Variants in MEGF6 observed in about 807,000 individuals in gnomAD.
MEGF6 encodes the protein multiple EGF like domains 6.
In MEGF6, 184 loss-of-function variants were observed where a neutral mutation model predicts 207.1. The observed-to-expected ratio is 0.89, with a 90% CI of 0.79 to 1.00. The LOEUF is 1.00. Ranked by LOEUF, MEGF6 falls within the 50% of genes least tolerant of loss-of-function variation. The probability of loss-of-function intolerance (pLI) is 0.00; values close to 1 mark genes in which losing one functional copy is unlikely to be tolerated. For missense variants in MEGF6, 2,282 were observed against 2,202.9 expected, an observed-to-expected ratio of 1.04 and a Z score of -0.72; for synonymous variants, 1,038 against 910.0, an observed-to-expected ratio of 1.14 and a Z score of -2.53.
chr1:3,615,865 A>G (rs1644374135), upstream of MEGF6, among the ~76,000 whole-genome samples: 1 of 152,252 alleles, frequency 6.6e-6, no homozygotes, highest in South Asian at 2.1e-4. Context: ...GGTTACACGC[A>G]GAACTGGGCT....
At chr1:3,569,333 G>A (rs1238210076) in intron 4 of MEGF6, among the ~76,000 whole-genome samples, 1 of 152,248 alleles carries the variant, frequency 6.6e-6, no homozygotes, top group Non-Finnish European at 1.5e-5. Context: ...TGGGCAGGCG[G>A]TCAAGGGCCA....
intron 14 of MEGF6, 76 bp from the exon 15 acceptor site, chr1:3,506,312 G>A: frequency 6.5e-7 from 1 of 1,528,812 alleles, no homozygotes; most frequent in Non-Finnish European, 8.8e-7. Flanking sequence ...GTGGTAGGAT[G>A]CGCGGGGGCC....
chr1:3,589,466 G>A (rs1401569368), intron 3 of MEGF6, among the ~76,000 whole-genome samples: 6 of 151,954 alleles, frequency 3.9e-5, no homozygotes, highest in Non-Finnish European at 7.4e-5. Context: ...TCCCAGGGAC[G>A]TGCAAGGCCC....
At chr1:3,543,527 C>T (rs1642597673) in intron 4 of MEGF6, among the ~76,000 whole-genome samples, 1 of 152,214 alleles carries the variant, frequency 6.6e-6, no homozygotes, top group Non-Finnish European at 1.5e-5. Flanking sequence ...TGACTCGGAG[C>T]CCTAGCCATC....
At chr1:3,611,070 C>T (rs749305212) in intron 1 of MEGF6, 68 bp downstream of exon 1, 23 of 1,398,786 alleles carry the variant, frequency 1.6e-5, no homozygotes, top group Non-Finnish European at 1.9e-5. Context: ...GCTCGGTCCA[C>T]CACGGGCCTC....
chr1:3,595,738 C>T (rs1644053436), intron 2 of MEGF6, among the ~76,000 whole-genome samples: 1 of 152,178 alleles, frequency 6.6e-6, no homozygotes, highest in African/African-American at 2.4e-5. Context: ...CCCCTCCCTC[C>T]CGACGGTGGT....
At chr1:3,518,812 C>T (rs977637033) in intron 5 of MEGF6, among the ~76,000 whole-genome samples, 4 of 152,202 alleles carry the variant, frequency 2.6e-5, no homozygotes, top group Admixed American at 1.3e-4. Flanking sequence ...AGGAAGCCCT[C>T]TGTTGGGGAC....
At chr1:3,614,984 G>C (rs946282699), upstream of MEGF6, among the ~76,000 whole-genome samples, 5 of 152,186 alleles carry the variant, frequency 3.3e-5, no homozygotes, top group African/African-American at 1.2e-4. Context: ...AGACAGAAGG[G>C]CCTGCCGTGT....
intron 1 of MEGF6, among the ~76,000 whole-genome samples, chr1:3,605,853 G>C (rs1485098867): frequency 6.6e-6 from 1 of 152,208 alleles, no homozygotes; most frequent in Admixed American, 6.5e-5. Flanking sequence ...GTCAGGGGCG[G>C]AGGCCGTGCC....
chr1:3,557,069 G>A lies in MEGF6; in HGVS notation c.481+22756C>T, dbSNP rs576687159. Among the ~76,000 whole-genome samples, 133 of 152,278 alleles carry A rather than the reference G, an allele frequency of 8.7e-4. 3 individuals are homozygous for A. The South Asian group carries it at 0.027, about 31-fold the overall frequency. ...ATCGCAGCAGCCAGGAGAGACGGGC[G>A]CTGCTGCCTTGGAAGGACGAGGAAG... On this transcript the variant is annotated intron_variant, in intron 4 of 36. Transcript: ENST00000356575.
At chr1:3,581,600 T>G (rs1214806616) in intron 3 of MEGF6, among the ~76,000 whole-genome samples, 2 of 152,164 alleles carry the variant, frequency 1.3e-5, no homozygotes, top group East Asian at 3.9e-4. Context: ...AAGCCAGCTG[T>G]GTTTAGTTCC....
chr1:3,611,176 G>A lies in MEGF6; in HGVS notation c.93C>T (p.Ser31=). The change falls in exon 1 of 37, where the codon AGC becomes AGT. Residue 31 remains serine, a synonymous_variant. Coordinates refer to ENST00000356575, the MANE Select transcript of MEGF6 (RefSeq NM_001409.4). ...LLLPAVPVGA[S]VPPRPLLPLQ... is the part of the protein sequence containing the mutation. ...GCGGGAGCAGGGGCCGCGGCGGAAC[G>A]CTGGCGCCCACGGGCACGGCGGGGA... The A allele has an allele frequency of 6.5e-7, 1 of 1,547,896 alleles. No homozygotes were observed. The highest frequency in any genetic ancestry group is 8.6e-7 in the Non-Finnish European group (1 of 1,157,118).
intron 3 of MEGF6, among the ~76,000 whole-genome samples, chr1:3,586,955 C>T (rs534536042): frequency 7.0e-4 from 106 of 152,368 alleles, no homozygotes; most frequent in African/African-American, 2.5e-3. Context: ...CAGTGTCCAG[C>T]AGCCTGGACC....
At chr1:3,545,232 T>C in intron 4 of MEGF6, among the ~76,000 whole-genome samples, 1 of 152,046 alleles carries the variant, frequency 6.6e-6, no homozygotes, top group South Asian at 2.1e-4. Flanking sequence ...TTCCCCAGGG[T>C]TGAGGTGAAA....
In MEGF6 at chr1:3,501,797, T is replaced by C; in HGVS notation, c.2313A>G (p.Ala771=). 2 of 1,610,146 alleles carry C rather than the reference T, an allele frequency of 1.2e-6. No homozygotes were observed. The highest frequency in any genetic ancestry group is 1.7e-6 in the Non-Finnish European group (2 of 1,178,730). Residue 771 remains alanine, a splice_region_variant and synonymous_variant, in exon 18 of 37, where the codon GCA becomes GCG. Transcript: ENST00000356575. ...ACTGGGGCTGCGGCTGACACTCACC[T>C]GCCTCACAGTCTTCCCCAGTCCTCC... is the stretch of plus-strand genomic sequence containing the variant. The part of the protein sequence containing the change: ...PPGRTGEDCE[A]DCPEGRWGLG...
intron 4 of MEGF6, among the ~76,000 whole-genome samples, chr1:3,553,247 CA>C (rs1474276053): frequency 6.6e-6 from 1 of 151,800 alleles, no homozygotes; most frequent in Admixed American, 6.6e-5. Context: ...GCTTTCCCAC[CA>C]GGGGCCCAGC....
rs961821397 is a variant in MEGF6 at position 3,565,842 on chromosome 1, C to T, written c.481+13983G>A. On this transcript the variant is annotated intron_variant, in intron 4 of 36. Transcript: ENST00000356575. The surrounding 1 kb of genome is among the most constrained non-coding windows in gnomAD (Gnocchi z 4.8). ...TCTGCTCCAGCCACGCTCGGCATTCCGTCCAGGGCAGGCACTGTGGACCCT... is the reference window on the plus strand; with the variant it reads ...TCTGCTCCAGCCACGCTCGGCATTCTGTCCAGGGCAGGCACTGTGGACCCT... Among the ~76,000 whole-genome samples the T allele has an allele frequency of 2.6e-5, 4 of 152,154 alleles. No individual in the cohort carries two copies. Among genetic ancestry groups the T allele is most frequent in the Non-Finnish European group, 5.9e-5 (4 of 68,012 alleles).
intron 4 of MEGF6, among the ~76,000 whole-genome samples, chr1:3,541,399 G>T (rs1026642111): frequency 7.2e-5 from 11 of 152,244 alleles, no homozygotes; most frequent in Admixed American, 1.3e-4. Flanking sequence ...TGGAAATGCC[G>T]TTCTCCTGGG....
chr1:3,559,877 G>A (rs996279601), intron 4 of MEGF6, among the ~76,000 whole-genome samples: 6 of 152,066 alleles, frequency 3.9e-5, no homozygotes, highest in Non-Finnish European at 8.8e-5. Flanking sequence ...TGGGCATGGT[G>A]GCAAGTGCCT....
Sources: allele counts gnomAD v4.1 joint callset (sites outside exome capture counted in the v4.1 genomes callset), GRCh38; gene constraint gnomAD v4.1.1; non-coding constraint Gnocchi (gnomAD v3.1); transcripts MANE v1.5; gene names NCBI Gene and HGNC (gene_info 2026-07-23, HGNC 2026-07-21).